Variants in IL1RAPL1 observed in about 807,000 individuals in gnomAD.
IL1RAPL1 encodes interleukin 1 receptor accessory protein like 1.
IL1RAPL1 carries 3 observed loss-of-function variants against 48.4 expected under a neutral mutation model. That is an observed-to-expected ratio of 0.06 (90% CI 0.03 to 0.16). The LOEUF (loss-of-function observed/expected upper bound fraction) is 0.16, where lower values mean the gene tolerates loss of function less well. Ranked by LOEUF, IL1RAPL1 falls within the 10% of genes least tolerant of loss-of-function variation. The pLI is 1.00. For synonymous variants in IL1RAPL1, 185 were observed against 187.7 expected (o/e 0.99, Z 0.12); for missense variants, 349 against 530.6 (o/e 0.66, Z 3.36).
intron 2 of IL1RAPL1, among the ~76,000 whole-genome samples, chrX:28,896,223 C>A (rs917028636): frequency 4.8e-4 from 54 of 112,127 alleles, no homozygotes; most frequent in African/African-American, 1.8e-3. Flanking sequence ...TATTGTACAC[C>A]TTGAAGGTGA....
chrX:29,904,795 C>CT (rs1456436723), intron 6 of IL1RAPL1, among the ~76,000 whole-genome samples: 1 of 111,687 alleles, frequency 9.0e-6, no homozygotes, highest in Admixed American at 9.5e-5. Flanking sequence ...GGGTTGCTTC[C>CT]AAGTCTTTGC....
chrX:28,973,895 C>T (rs1180467959), intron 2 of IL1RAPL1, among the ~76,000 whole-genome samples: 1 of 112,223 alleles, frequency 8.9e-6, no homozygotes, highest in Non-Finnish European at 1.9e-5. Flanking sequence ...CACGTACTTT[C>T]CCTGTTCTTG....
In IL1RAPL1 at chrX:29,370,221, T is replaced by C. The variant is rs1420866152; in HGVS notation, c.363-26037T>C. Among the ~76,000 whole-genome samples the C allele has an allele frequency of 3.6e-5, 4 of 111,243 alleles. No homozygotes were observed. In the East Asian group the frequency reaches 1.1e-3, roughly 31 times the overall value. ...AATTAATATTCGGCTATTGGCTTTT[T>C]TTTTCTCAGAACAGTAATAGAAGAT... On this transcript the variant is annotated intron_variant, in intron 3 of 10. Coordinates refer to ENST00000378993, the MANE Select transcript of IL1RAPL1 (RefSeq NM_014271.4).
chrX:29,290,392 G>A lies in IL1RAPL1; in HGVS notation c.362+7175G>A, dbSNP rs544951296. On this transcript the variant is annotated intron_variant, in intron 3 of 10. Transcript: ENST00000378993. ...ATGTCATGTTCTCACTATCCTGTCTGCTCCTCACAGATTAAGGCATGAATT... is the reference window on the plus strand; with the variant it reads ...ATGTCATGTTCTCACTATCCTGTCTACTCCTCACAGATTAAGGCATGAATT... Among the ~76,000 whole-genome samples the A allele has an allele frequency of 9.8e-5, 11 of 111,766 alleles. No homozygotes were observed. In the South Asian group the frequency reaches 4.1e-3, roughly 42 times the overall value.
intron 2 of IL1RAPL1, among the ~76,000 whole-genome samples, chrX:28,954,403 T>G (rs1260579275): frequency 9.1e-6 from 1 of 109,567 alleles, no homozygotes; most frequent in African/African-American, 3.3e-5. Flanking sequence ...TAATTTCTAA[T>G]TTTTTTTCTA....
At chrX:29,011,312 A>T (rs1281392262) in intron 2 of IL1RAPL1, among the ~76,000 whole-genome samples, 1 of 112,478 alleles carries the variant, frequency 8.9e-6, no homozygotes, top group African/African-American at 3.2e-5. Flanking sequence ...ATGTCTATCC[A>T]GAGTTGTACA....
chrX:29,596,560 A>C lies in IL1RAPL1; in HGVS notation c.704-71870A>C, dbSNP rs758356957. Among the ~76,000 whole-genome samples the C allele has an allele frequency of 4.5e-5, 5 of 111,911 alleles. No individual in the cohort carries two copies. The East Asian group carries it at 1.4e-3, about 31-fold the overall frequency. The stretch of plus-strand genomic sequence containing the variant: ...CACTGTCGGTGTATATAGCAGAGCT[A>C]CTGATTTGTGTACATTAATTTGTAT... On this transcript the variant is annotated intron_variant, in intron 5 of 10. Coordinates refer to ENST00000378993, the MANE Select transcript of IL1RAPL1 (RefSeq NM_014271.4).
At chrX:28,762,274 C>T (rs1490749929) in intron 1 of IL1RAPL1, among the ~76,000 whole-genome samples, 2 of 110,921 alleles carry the variant, frequency 1.8e-5, no homozygotes, top group Admixed American at 1.9e-4. Flanking sequence ...ATATAATTGC[C>T]ATGAAAAGTA....
In IL1RAPL1 at chrX:29,329,100, C is replaced by A. The variant is rs1314715797; in HGVS notation, c.362+45883C>A. On this transcript the variant is annotated intron_variant, in intron 3 of 10. Transcript: ENST00000378993. The stretch of plus-strand genomic sequence containing the variant: ...TGATTACTGTTTCAGCTTATTTTTA[C>A]TTTATTCATGTTGTGAATAGATAGT... 8.1e-5 allele frequency among the ~76,000 whole-genome samples: 9 copies of A among 111,219 alleles called. No individual in the cohort carries two copies. The East Asian group carries it at 2.5e-3, about 31-fold the overall frequency.
chrX:29,529,642 A>G (rs1935592620), intron 5 of IL1RAPL1, among the ~76,000 whole-genome samples: 2 of 40,586 alleles, frequency 4.9e-5, no homozygotes, highest in Admixed American at 2.1e-4. Flanking sequence ...AAAATATTCT[A>G]TTAGTGTTAT....
chrX:28,831,483 T>G (rs1008991324), intron 2 of IL1RAPL1, among the ~76,000 whole-genome samples: 1 of 109,241 alleles, frequency 9.2e-6, no homozygotes, highest in African/African-American at 3.3e-5. Context: ...ACCAGAGAGA[T>G]AAAATAGTAG....
At chrX:29,834,943 TAACAC>T in intron 6 of IL1RAPL1, among the ~76,000 whole-genome samples, 1 of 112,045 alleles carries the variant, frequency 8.9e-6, no homozygotes, top group Admixed American at 9.4e-5. Context: ...GCAAACATAA[TAACAC>T]AACACAGATC....
At chrX:29,383,574 A>C (rs1933738440) in intron 3 of IL1RAPL1, among the ~76,000 whole-genome samples, 1 of 112,197 alleles carries the variant, frequency 8.9e-6, no homozygotes, top group African/African-American at 3.2e-5. Flanking sequence ...AATACAAATC[A>C]TTAGGCCATT....
At chrX:29,800,947 C>T (rs1287610575) in intron 6 of IL1RAPL1, among the ~76,000 whole-genome samples, 2 of 91,661 alleles carry the variant, frequency 2.2e-5, no homozygotes, top group African/African-American at 4.1e-5. Flanking sequence ...TTGTGGTGAG[C>T]CAAGATGGCA....
intron 3 of IL1RAPL1, among the ~76,000 whole-genome samples, chrX:29,338,612 G>A (rs762012916): frequency 1.8e-5 from 2 of 111,580 alleles, no homozygotes; most frequent in South Asian, 7.6e-4. Context: ...TGGTAGGACT[G>A]TCATTGTCCT....
At chrX:28,954,195 A>G (rs1467441622) in intron 2 of IL1RAPL1, among the ~76,000 whole-genome samples, 1 of 111,056 alleles carries the variant, frequency 9.0e-6, no homozygotes, top group Non-Finnish European at 1.9e-5. Context: ...GAGTTTTAAA[A>G]TAAAGTAATA....
chrX:29,179,886 A>G (rs1300215833), intron 2 of IL1RAPL1, among the ~76,000 whole-genome samples: 1 of 111,507 alleles, frequency 9.0e-6, no homozygotes, highest in Non-Finnish European at 1.9e-5. Flanking sequence ...TTGCTAAAAG[A>G]CAAAAGTATC....
intron 5 of IL1RAPL1, among the ~76,000 whole-genome samples, chrX:29,601,775 A>G (rs1923726763): frequency 8.9e-6 from 1 of 112,193 alleles, no homozygotes; most frequent in Admixed American, 9.4e-5. Context: ...AGGATGGTGA[A>G]GGGCAACACA....
intron 2 of IL1RAPL1, among the ~76,000 whole-genome samples, chrX:29,156,536 C>T: frequency 8.9e-6 from 1 of 111,748 alleles, no homozygotes; most frequent in Non-Finnish European, 1.9e-5. Flanking sequence ...ATTCCTTTCC[C>T]CCATGTCTCA....
Sources: allele counts gnomAD v4.1 joint callset (sites outside exome capture counted in the v4.1 genomes callset), GRCh38; gene constraint gnomAD v4.1.1; transcripts MANE v1.5; gene names NCBI Gene and HGNC (gene_info 2026-07-23, HGNC 2026-07-21).